Variants in GRM7 observed in about 807,000 individuals in gnomAD.
GRM7 encodes glutamate metabotropic receptor 7, also known as metabotropic glutamate receptor 7.
A neutral mutation model predicts 84.5 loss-of-function variants in GRM7; 35 were observed. The observed-to-expected ratio is 0.41, with a 90% CI of 0.32 to 0.55. The LOEUF is 0.55. GRM7 is among the 20% of genes least tolerant of loss of function. GRM7 has a pLI of 0.19. For synonymous variants in GRM7, 487 were observed against 455.1 expected (o/e 1.07, Z -0.89); for missense variants, 1,003 against 1,194.6 (o/e 0.84, Z 2.36).
chr3:7,093,946 A>G (rs769619646), intron 1 of GRM7, among the ~76,000 whole-genome samples: 4 of 152,250 alleles, frequency 2.6e-5, no homozygotes, highest in Non-Finnish European at 5.9e-5. Context: ...TAAATTGCAT[A>G]TGTATTTTTC....
At chr3:7,734,401 A>T (rs1702433827) in intron 9 of GRM7, among the ~76,000 whole-genome samples, 1 of 152,234 alleles carries the variant, frequency 6.6e-6, no homozygotes, top group Non-Finnish European at 1.5e-5. Context: ...ACAATGAATG[A>T]GAAGTGAGTA....
At chr3:7,414,350 T>C (rs1423154600) in intron 4 of GRM7, among the ~76,000 whole-genome samples, 1 of 152,182 alleles carries the variant, frequency 6.6e-6, no homozygotes, top group African/African-American at 2.4e-5. Flanking sequence ...AGGTTAAGTA[T>C]GTACCTGCTC....
chr3:7,439,542 G>A (rs1429871173), intron 5 of GRM7, among the ~76,000 whole-genome samples: 1 of 152,130 alleles, frequency 6.6e-6, no homozygotes, highest in Non-Finnish European at 1.5e-5. Flanking sequence ...GCTAACTTGT[G>A]GGCTGCAGAT....
At chr3:7,556,168 G>A (rs113492768) in intron 7 of GRM7, among the ~76,000 whole-genome samples, 12 of 152,182 alleles carry the variant, frequency 7.9e-5, no homozygotes, top group African/African-American at 2.6e-4. Flanking sequence ...GCATGCTCAC[G>A]TGGTAGAAAG....
chr3:6,923,221 G>A (rs976896761), intron 1 of GRM7, among the ~76,000 whole-genome samples: 1 of 151,818 alleles, frequency 6.6e-6, no homozygotes, highest in Non-Finnish European at 1.5e-5. Flanking sequence ...CACTATGTTG[G>A]CCAGGCTGGT....
At chr3:7,264,919 T>A (rs1474408260) in intron 2 of GRM7, among the ~76,000 whole-genome samples, 1 of 152,250 alleles carries the variant, frequency 6.6e-6, no homozygotes, top group Non-Finnish European at 1.5e-5. Context: ...CAATGAAAGT[T>A]GCATTACTAG....
At chr3:7,305,348 T>TC (rs1553555233) in intron 3 of GRM7, among the ~76,000 whole-genome samples, 4,266 of 101,964 alleles carry the variant, frequency 0.042, 791 homozygotes, top group African/African-American at 0.087. Flanking sequence ...TTTTTCTTTT[T>TC]TTTTTTTTTT....
At chr3:7,146,413 G>A in intron 1 of GRM7, 39 bp from the exon 2 acceptor site, 6 of 1,416,076 alleles carry the variant, frequency 4.2e-6, no homozygotes, top group Non-Finnish European at 6.0e-6. Context: ...CTTACATCCT[G>A]ACGGTGCACT....
intron 1 of GRM7, among the ~76,000 whole-genome samples, chr3:7,062,071 C>T (rs927186039): frequency 6.6e-6 from 1 of 151,512 alleles, no homozygotes; most frequent in Admixed American, 6.6e-5. Context: ...CCCCAGTGAA[C>T]CCACTGGAGA....
chr3:7,409,343 A>G (rs1486650513), intron 4 of GRM7, among the ~76,000 whole-genome samples: 1 of 152,178 alleles, frequency 6.6e-6, no homozygotes, highest in Non-Finnish European at 1.5e-5. Flanking sequence ...CGGAATTGAC[A>G]TAAGTGAAAG....
intron 2 of GRM7, among the ~76,000 whole-genome samples, chr3:7,153,086 T>C (rs1574966946): frequency 6.6e-6 from 1 of 151,074 alleles, no homozygotes; most frequent in Non-Finnish European, 1.5e-5. Context: ...CCAGCTTCCC[T>C]CTTTCAGAAG....
At chr3:7,162,042 C>T (rs1694641514) in intron 2 of GRM7, among the ~76,000 whole-genome samples, 1 of 152,104 alleles carries the variant, frequency 6.6e-6, no homozygotes, top group African/African-American at 2.4e-5. Flanking sequence ...AGGTTGTGAA[C>T]AACTAATTGG....
intron 8 of GRM7, among the ~76,000 whole-genome samples, chr3:7,599,683 G>A (rs924426176): frequency 1.3e-5 from 2 of 152,112 alleles, no homozygotes; most frequent in African/African-American, 4.8e-5. Context: ...ATTACGGAGG[G>A]GGGATTGTCA....
At position 7,633,959 on chromosome 3, in the gene GRM7, T is replaced by C. The variant is rs1697963305; in HGVS notation, c.2452-46090T>C. Among the ~76,000 whole-genome samples, 4 of 152,234 alleles carry C rather than the reference T, an allele frequency of 2.6e-5. No homozygotes were observed. The South Asian group carries it at 8.3e-4, about 32-fold the overall frequency. On this transcript the variant is annotated intron_variant, in intron 8 of 9. Coordinates refer to ENST00000357716, the MANE Select transcript of GRM7 (RefSeq NM_000844.4). ...CAGTTTCAGAGGAAATATCCCAATT[T>C]ATCTTGTGTGTTATGCTTTCCTTTT...
intron 3 of GRM7, among the ~76,000 whole-genome samples, chr3:7,304,469 AGTTTTTAAACTTGAAAATTT>A (rs941628985): frequency 2.0e-4 from 31 of 151,564 alleles, no homozygotes; most frequent in African/African-American, 7.0e-4. Flanking sequence ...TATGCGGCTA[AGTTTTTAAACTTGAAAATTT>A]GTATTTTCAA....
At chr3:7,703,152 AGCATT>A (rs1701281590) in intron 9 of GRM7, among the ~76,000 whole-genome samples, 1 of 152,152 alleles carries the variant, frequency 6.6e-6, no homozygotes, top group Non-Finnish European at 1.5e-5. Flanking sequence ...AGAACTGAGA[AGCATT>A]GCTGCAATGT....
intron 4 of GRM7, among the ~76,000 whole-genome samples, chr3:7,376,904 A>G (rs944796807): frequency 6.6e-6 from 1 of 152,208 alleles, no homozygotes; most frequent in Non-Finnish European, 1.5e-5. Context: ...TCTGCCTACC[A>G]GTGCATCTAC....
At chr3:7,525,334 G>T (rs996562489) in intron 7 of GRM7, among the ~76,000 whole-genome samples, 1 of 152,020 alleles carries the variant, frequency 6.6e-6, no homozygotes, top group Admixed American at 6.6e-5. Context: ...CAGTGTATTG[G>T]GTTCCAGCCC....
chr3:7,223,833 A>T (rs1238670437), intron 2 of GRM7, among the ~76,000 whole-genome samples: 1 of 152,208 alleles, frequency 6.6e-6, no homozygotes, highest in Non-Finnish European at 1.5e-5. Flanking sequence ...CTGTAGTTGC[A>T]GGCTGCTATG....
Sources: allele counts gnomAD v4.1 joint callset (sites outside exome capture counted in the v4.1 genomes callset), GRCh38; gene constraint gnomAD v4.1.1; transcripts MANE v1.5; gene names NCBI Gene and HGNC (gene_info 2026-07-23, HGNC 2026-07-21).